Variants in TAFA1 observed in about 807,000 individuals in gnomAD.
TAFA1 encodes chemokine-like protein TAFA-1.
Under a neutral mutation model 18.5 loss-of-function variants are expected in TAFA1, and 4 were observed. That is an observed-to-expected ratio of 0.22 (90% CI 0.11 to 0.49). TAFA1 has a LOEUF of 0.49. Among genes scored for constraint, TAFA1 ranks in the 20% least tolerant of loss-of-function variants. TAFA1 has a pLI of 0.98. For synonymous variants in TAFA1, 56 were observed against 55.2 expected (o/e 1.01, Z -0.06); for missense variants, 147 against 169.0 (o/e 0.87, Z 0.72).
At chr3:68,332,570 A>C (rs1485909572) in intron 2 of TAFA1, among the ~76,000 whole-genome samples, 1 of 152,216 alleles carries the variant, frequency 6.6e-6, no homozygotes, top group African/African-American at 2.4e-5. Context: ...CAGCAAAAAC[A>C]AAATTTTTTA....
chr3:68,012,895 T>C (rs926188612), intron 2 of TAFA1, among the ~76,000 whole-genome samples: 2 of 152,300 alleles, frequency 1.3e-5, no homozygotes, highest in Non-Finnish European at 2.9e-5. Context: ...AAGATACTCC[T>C]TGGACAAAAG....
Position 68,545,448 on chromosome 3 carries a change from G to A in TAFA1, c.*945G>A, listed in dbSNP as rs1044384946. 1.3e-5 allele frequency: 2 copies of A among 152,562 alleles called. No individual in the cohort carries two copies. The highest frequency in any genetic ancestry group is 4.8e-5 in the African/African-American group (2 of 41,436). 9.5% of individuals were successfully genotyped at this position (152,562 alleles called of 1,614,324 possible). On this transcript the variant is annotated 3_prime_UTR_variant, in exon 5 of 5. Transcript: ENST00000478136. ...CTGGCATCGTTAACTACATAGTGCT[G>A]TAGCAACAAGTCTTATCATGGCATC...
chr3:68,341,595 G>A (rs536056679), intron 2 of TAFA1, among the ~76,000 whole-genome samples: 2 of 152,236 alleles, frequency 1.3e-5, no homozygotes, highest in South Asian at 2.1e-4. Context: ...TTTCTGGGGG[G>A]AAAAGGGCTA....
intron 2 of TAFA1, among the ~76,000 whole-genome samples, chr3:68,387,613 A>T (rs1036913383): frequency 6.6e-6 from 1 of 152,192 alleles, no homozygotes; most frequent in East Asian, 1.9e-4. Flanking sequence ...AGGCATGATG[A>T]TGTATTAGAT....
intron 2 of TAFA1, among the ~76,000 whole-genome samples, chr3:68,346,095 G>A (rs1216007360): frequency 6.6e-6 from 1 of 152,164 alleles, no homozygotes; most frequent in East Asian, 1.9e-4. Context: ...AAAATATTTA[G>A]AAGTACTAGA....
intron 2 of TAFA1, among the ~76,000 whole-genome samples, chr3:68,266,907 G>A (rs952607831): frequency 6.6e-6 from 1 of 151,260 alleles, no homozygotes; most frequent in Non-Finnish European, 1.5e-5. Flanking sequence ...CTTTAATGAG[G>A]CACATCCACT....
intron 2 of TAFA1, among the ~76,000 whole-genome samples, chr3:68,303,638 A>G (rs1402584628): frequency 6.6e-6 from 1 of 151,968 alleles, no homozygotes; most frequent in East Asian, 1.9e-4. Flanking sequence ...TTTAGTAGAG[A>G]CGGGGTTTCA....
chr3:68,218,643 G>A (rs2066691730), intron 2 of TAFA1, among the ~76,000 whole-genome samples: 1 of 152,134 alleles, frequency 6.6e-6, no homozygotes, highest in South Asian at 2.1e-4. Flanking sequence ...AAGAAAGGTA[G>A]AGCTTCTTCT....
chr3:68,271,985 AACTATAAAT>A (rs1258671803), intron 2 of TAFA1, among the ~76,000 whole-genome samples: 2 of 152,182 alleles, frequency 1.3e-5, no homozygotes, highest in Non-Finnish European at 2.9e-5. Context: ...TGCACTGTGT[AACTATAAAT>A]AGATGCTCAG....
At chr3:68,377,925 G>C (rs567395642) in intron 2 of TAFA1, among the ~76,000 whole-genome samples, 1 of 152,286 alleles carries the variant, frequency 6.6e-6, no homozygotes, top group Admixed American at 6.5e-5. Flanking sequence ...GCCTCCACGT[G>C]GTGATGGGCC....
intron 2 of TAFA1, among the ~76,000 whole-genome samples, chr3:68,271,299 C>T (rs1206808704): frequency 2.0e-5 from 3 of 152,064 alleles, no homozygotes; most frequent in Non-Finnish European, 4.4e-5. Context: ...CCCAGCTGGA[C>T]CCACAGAAGC....
intron 2 of TAFA1, among the ~76,000 whole-genome samples, chr3:68,381,111 T>C (rs2069941943): frequency 1.3e-5 from 1 of 77,354 alleles, no homozygotes; most frequent in African/African-American, 5.1e-5. Flanking sequence ...AGGGCTCTGT[T>C]CTGTTCCATT....
intron 2 of TAFA1, among the ~76,000 whole-genome samples, chr3:68,408,675 A>G (rs2070657131): frequency 6.6e-6 from 1 of 151,232 alleles, no homozygotes; most frequent in South Asian, 2.1e-4. Context: ...CATTTAGTAA[A>G]TGTGTGACTG....
intron 2 of TAFA1, among the ~76,000 whole-genome samples, chr3:68,081,760 C>G (rs1276982855): frequency 6.6e-6 from 1 of 152,204 alleles, no homozygotes; most frequent in Non-Finnish European, 1.5e-5. Context: ...TTACTGCTGT[C>G]TTTTTGTTTG....
chr3:68,238,067 G>A (rs536718319), intron 2 of TAFA1, among the ~76,000 whole-genome samples: 10 of 151,834 alleles, frequency 6.6e-5, no homozygotes, highest in East Asian at 1.9e-4. Context: ...GAAACCTAAC[G>A]TTCACTGGTC....
rs186936933 is a variant in TAFA1, at chr3:68,042,713, G to T, written c.118+35969G>T. ...AGAGCACCAACTATAGCTGTGCATAGTCTATGTGTTTATGCACTAATTTTC... is the reference window on the plus strand; with the variant it reads ...AGAGCACCAACTATAGCTGTGCATATTCTATGTGTTTATGCACTAATTTTC... On this transcript the variant is annotated intron_variant, in intron 2 of 4. Coordinates refer to ENST00000478136, the MANE Select transcript of TAFA1 (RefSeq NM_213609.4). Among the ~76,000 whole-genome samples, 20 of 152,264 alleles carry T rather than the reference G, an allele frequency of 1.3e-4. No homozygotes were observed. The East Asian group carries it at 3.7e-3, about 28-fold the overall frequency.
chr3:68,478,928 A>ATG (rs2072159558), intron 3 of TAFA1, among the ~76,000 whole-genome samples: 2 of 150,000 alleles, frequency 1.3e-5, no homozygotes, highest in Admixed American at 6.7e-5. Flanking sequence ...ATATATATAT[A>ATG]TATACATAAA....
intron 2 of TAFA1, among the ~76,000 whole-genome samples, chr3:68,158,009 T>C (rs1284259771): frequency 6.6e-6 from 1 of 152,176 alleles, no homozygotes; most frequent in Non-Finnish European, 1.5e-5. Context: ...CAGAGATCAA[T>C]AGCTTTCTCT....
chr3:68,261,298 C>T (rs1283799341), intron 2 of TAFA1, among the ~76,000 whole-genome samples: 1 of 152,130 alleles, frequency 6.6e-6, no homozygotes, highest in African/African-American at 2.4e-5. Context: ...GAATTAGGAA[C>T]ACTTTGACAC....
Sources: gnomAD v4.1 joint callset for allele counts (sites outside exome capture counted in the v4.1 genomes callset) on GRCh38, gnomAD v4.1.1 for gene constraint, MANE v1.5 for transcripts, NCBI Gene and HGNC (gene_info 2026-07-23, HGNC 2026-07-21) for gene names.